The following PREX1 variants were observed in gnomAD, a reference collection of about 807,000 sequenced individuals.
PREX1 encodes the protein phosphatidylinositol 3,4,5-trisphosphate-dependent Rac exchanger 1 protein.
In PREX1, 41 loss-of-function variants were observed where a neutral mutation model predicts 198.3. The observed-to-expected ratio is 0.21, with a 90% CI of 0.16 to 0.27. The LOEUF (loss-of-function observed/expected upper bound fraction) is 0.27, where lower values mean the gene tolerates loss of function less well. Ranked by LOEUF, PREX1 falls within the 10% of genes least tolerant of loss-of-function variation. The pLI is 1.00. For missense variants in PREX1, 1,620 were observed against 2,200.7 expected, an observed-to-expected ratio of 0.74 and a Z score of 5.28; for synonymous variants, 843 against 887.2, an observed-to-expected ratio of 0.95 and a Z score of 0.89.
In PREX1 at chr20:48,657,030, G is replaced by A; in HGVS notation, c.2123+10C>T. 6.3e-7 allele frequency: 1 copy of A among 1,579,304 alleles called. No homozygotes were observed. Among genetic ancestry groups the A allele is most frequent in the Non-Finnish European group, 8.6e-7 (1 of 1,161,632 alleles). ...GAGGGCTGCCGGACACCCCGCCCTG[G>A]GACACTCACTCTTTGGCCTTCGTGG... On this transcript the variant is annotated intron_variant, in intron 18 of 39. Transcript: ENST00000371941.
chr20:48,797,232 C>T (rs1601141736), intron 1 of PREX1, among the ~76,000 whole-genome samples: 1 of 152,030 alleles, frequency 6.6e-6, no homozygotes, highest in East Asian at 1.9e-4. Flanking sequence ...TAGGGTCCAG[C>T]CCCGCACCAC....
chr20:48,731,996 G>C (rs2090036594), intron 4 of PREX1, among the ~76,000 whole-genome samples: 2 of 152,210 alleles, frequency 1.3e-5, no homozygotes, highest in Admixed American at 1.3e-4. Flanking sequence ...GGAGCCCAGA[G>C]CCTGGGCAGC....
In PREX1 at chr20:48,679,636, G is replaced by A; in HGVS notation, c.1539+15C>T. 1 of 1,586,374 alleles carries A rather than the reference G, an allele frequency of 6.3e-7. No individual in the cohort carries two copies. Among genetic ancestry groups the A allele is most frequent in the Admixed American group, 1.7e-5 (1 of 59,976 alleles). On this transcript the variant is annotated intron_variant, in intron 12 of 39. Transcript: ENST00000371941. ...GGCCAGCTGAGTCAGAGTCACAGGG[G>A]CGGAGGGCCCCTACCTTGGACATGA...
chr20:48,788,568 T>C (rs1293375104), intron 1 of PREX1, among the ~76,000 whole-genome samples: 2 of 152,200 alleles, frequency 1.3e-5, no homozygotes, highest in African/African-American at 4.8e-5. Flanking sequence ...AGCCCCTAGA[T>C]CAAACTCTAC....
intron 7 of PREX1, among the ~76,000 whole-genome samples, chr20:48,694,887 G>A (rs2089837552): frequency 6.6e-6 from 1 of 152,140 alleles, no homozygotes; most frequent in South Asian, 2.1e-4. Flanking sequence ...GGTGGAGAAG[G>A]GACTAGAACC....
chr20:48,657,599 G>C (rs6019348), intron 17 of PREX1, among the ~76,000 whole-genome samples: 1 of 152,088 alleles, frequency 6.6e-6, no homozygotes, highest in South Asian at 2.1e-4. Context: ...CAACCTAGCC[G>C]CTCCGGCCAT....
intron 1 of PREX1, among the ~76,000 whole-genome samples, chr20:48,756,173 T>C (rs930806511): frequency 6.6e-6 from 1 of 152,234 alleles, no homozygotes; most frequent in African/African-American, 2.4e-5. Context: ...TCTGGAAACC[T>C]GGGGACCCCC....
At chr20:48,795,190 C>A (rs1227637250) in intron 1 of PREX1, among the ~76,000 whole-genome samples, 1 of 152,108 alleles carries the variant, frequency 6.6e-6, no homozygotes, top group East Asian at 1.9e-4. Flanking sequence ...CAGCTCAGCC[C>A]AGAACTGTAC....
chr20:48,651,035 G>T lies in PREX1; in HGVS notation c.2676C>A (p.Ala892=). 6.2e-7 allele frequency: 1 copy of T among 1,614,100 alleles called. No homozygotes were observed. The highest frequency in any genetic ancestry group is 8.5e-7 in the Non-Finnish European group (1 of 1,180,028). The change falls in exon 23 of 40, where the codon GCC becomes GCA. Residue 892 remains alanine (A), a synonymous_variant. Coordinates refer to ENST00000371941, the MANE Select transcript of PREX1 (RefSeq NM_020820.4). The stretch of plus-strand genomic sequence containing the variant: ...AGTTCTCCACGAAGACGCTGTCATT[G>T]GCAGCAAAGGCCTCGAGGATCTGCA... ...LTAKILEAFA[A]NDSVFVENCR...
chr20:48,875,375 A>G, the PREX1 span, among the ~76,000 whole-genome samples: 1 of 152,128 alleles, frequency 6.6e-6, no homozygotes. Flanking sequence ...GATGACTGTG[A>G]GGAGGAAAGG....
intron 5 of PREX1, among the ~76,000 whole-genome samples, chr20:48,711,344 A>G (rs541449301): frequency 7.9e-5 from 12 of 152,310 alleles, no homozygotes; most frequent in African/African-American, 2.6e-4. Flanking sequence ...GACCATATTC[A>G]GTAATTCCAT....
chr20:48,678,297 G>A (rs1044793151), intron 13 of PREX1, among the ~76,000 whole-genome samples: 21 of 148,134 alleles, frequency 1.4e-4, no homozygotes, highest in African/African-American at 5.5e-4. Context: ...GGGACAGAAC[G>A]AGGCTCTGTC....
chr20:48,704,764 C>A (rs1403017662), intron 6 of PREX1, among the ~76,000 whole-genome samples: 1 of 152,208 alleles, frequency 6.6e-6, no homozygotes, highest in Non-Finnish European at 1.5e-5. Context: ...CCGTGTTGGC[C>A]AGGCTGGTCT....
At chr20:48,881,778 C>T in the PREX1 span, among the ~76,000 whole-genome samples, 1 of 152,220 alleles carries the variant, frequency 6.6e-6, no homozygotes, top group Non-Finnish European at 1.5e-5. Context: ...AGCCACAGCA[C>T]CTGGCCTACA....
intron 1 of PREX1, among the ~76,000 whole-genome samples, chr20:48,760,818 T>G (rs2090176025): frequency 6.6e-6 from 1 of 152,090 alleles, no homozygotes; most frequent in Admixed American, 6.6e-5. Context: ...ACGGAAGGAC[T>G]TATGCATTCT....
chr20:48,627,701 A>G, intron 38 of PREX1, 86 bp from the exon 39 acceptor site: 1 of 1,482,586 alleles, frequency 6.7e-7, no homozygotes, highest in Non-Finnish European at 9.4e-7. Flanking sequence ...GGGGCCCAGA[A>G]GCCCAAGGAC....
intron 31 of PREX1, 70 bp from the exon 32 acceptor site, chr20:48,636,753 A>T (rs1363862810): frequency 1.2e-4 from 166 of 1,411,082 alleles, no homozygotes; most frequent in Non-Finnish European, 2.2e-5. Context: ...ACCCCCCAAA[A>T]CCCTGGGTCC....
Position 48,744,979 on chromosome 20 carries a change from C to T in PREX1, c.414+46G>A, listed in dbSNP as rs536280366. ...GGGCAGGGACCCAGGGAGAAGCCCA[C>T]TTTTCAAAAACTAGAGTCCACCAGG... On this transcript the variant is annotated intron_variant, in intron 3 of 39. Coordinates refer to ENST00000371941, the MANE Select transcript of PREX1 (RefSeq NM_020820.4). The T allele has an allele frequency of 5.0e-6, 8 of 1,603,218 alleles. No homozygotes were observed. In the South Asian group the frequency reaches 6.6e-5, roughly 13 times the overall value.
chr20:48,675,333 C>T (rs1486860384), intron 14 of PREX1, among the ~76,000 whole-genome samples: 1 of 152,240 alleles, frequency 6.6e-6, no homozygotes, highest in Admixed American at 6.5e-5. Flanking sequence ...TCCCAACCTC[C>T]GGAACTGTGA....
Sources: gnomAD v4.1 joint callset for allele counts (sites outside exome capture counted in the v4.1 genomes callset) on GRCh38, gnomAD v4.1.1 for gene constraint, MANE v1.5 for transcripts, NCBI Gene and HGNC (gene_info 2026-07-23, HGNC 2026-07-21) for gene names.